Variants in DAB1 observed in about 807,000 individuals in gnomAD.
DAB1 encodes disabled homolog 1.
A neutral mutation model predicts 64.6 loss-of-function variants in DAB1; 15 were observed. The ratio of observed to expected loss-of-function variants is 0.23; its 90% CI spans 0.16 to 0.36. DAB1 has a LOEUF of 0.36. DAB1 is among the 10% of genes least tolerant of loss of function. The probability of loss-of-function intolerance (pLI) is 1.00; values close to 1 mark genes in which losing one functional copy is unlikely to be tolerated. For missense variants in DAB1, 596 were observed against 706.7 expected (o/e 0.84, Z 1.78); for synonymous variants, 235 against 251.9 (o/e 0.93, Z 0.64).
At chr1:58,348,379 A>C (rs1407653127) in intron 3 of DAB1, among the ~76,000 whole-genome samples, 3 of 152,172 alleles carry the variant, frequency 2.0e-5, no homozygotes, top group Non-Finnish European at 4.4e-5. Context: ...GTAAAACAAC[A>C]TGAGGCTAGA....
At chr1:57,471,313 G>A (rs1687125980) in intron 7 of DAB1, among the ~76,000 whole-genome samples, 1 of 152,168 alleles carries the variant, frequency 6.6e-6, no homozygotes, top group Non-Finnish European at 1.5e-5. Context: ...AACAATGAGA[G>A]GAAGGCACTC....
At chr1:57,779,413 A>G (rs1238663865) in intron 6 of DAB1, among the ~76,000 whole-genome samples, 1 of 152,142 alleles carries the variant, frequency 6.6e-6, no homozygotes, top group Non-Finnish European at 1.5e-5. Context: ...AATTCTCAAG[A>G]GCTGCAGAGG....
At chr1:57,366,643 T>C (rs1268445400) in intron 1 of DAB1, among the ~76,000 whole-genome samples, 1 of 152,356 alleles carries the variant, frequency 6.6e-6, no homozygotes, top group Admixed American at 6.5e-5. Context: ...ATATACCAGA[T>C]ACTATTCTAA....
At chr1:58,520,720 T>C (rs923926107) in intron 2 of DAB1, among the ~76,000 whole-genome samples, 1 of 152,116 alleles carries the variant, frequency 6.6e-6, no homozygotes, top group African/African-American at 2.4e-5. Context: ...CTAGAGACAG[T>C]GATTTTATTG....
chr1:57,441,302 CTTT>C (rs1317013273), intron 7 of DAB1, among the ~76,000 whole-genome samples: 18,733 of 124,232 alleles, frequency 0.15, 1,803 homozygotes, highest in East Asian at 0.39. Flanking sequence ...TTCTTTCTTT[CTTT>C]CTTTCTTTCT....
intron 4 of DAB1, among the ~76,000 whole-genome samples, chr1:58,204,138 T>C (rs1241263864): frequency 1.3e-5 from 2 of 152,250 alleles, no homozygotes; most frequent in Middle Eastern, 3.4e-3. Context: ...CACACCTATA[T>C]GAACACACAA....
chr1:57,950,671 T>C (rs893124751), intron 5 of DAB1, among the ~76,000 whole-genome samples: 23 of 152,194 alleles, frequency 1.5e-4, no homozygotes, highest in African/African-American at 5.1e-4. Flanking sequence ...GCATATTCTA[T>C]TCCCTCTGCC....
intron 7 of DAB1, among the ~76,000 whole-genome samples, chr1:57,584,161 A>G (rs967824562): frequency 2.0e-5 from 3 of 152,198 alleles, no homozygotes; most frequent in African/African-American, 7.2e-5. Flanking sequence ...TGCTCAAATA[A>G]GGAAACGCTG....
At chr1:57,435,125 T>G (rs1685650591) in intron 7 of DAB1, among the ~76,000 whole-genome samples, 1 of 147,940 alleles carries the variant, frequency 6.8e-6, no homozygotes, top group East Asian at 2.0e-4. Context: ...CTCGGCTCAC[T>G]GCAGCCTCTG....
At chr1:57,548,100 TTCTC>T (rs1644875568) in intron 7 of DAB1, among the ~76,000 whole-genome samples, 3 of 152,098 alleles carry the variant, frequency 2.0e-5, no homozygotes, top group Non-Finnish European at 4.4e-5. Context: ...ATAAATATCT[TTCTC>T]TGTCTGTCTG....
At chr1:57,343,209 G>A (rs1262564498) in intron 1 of DAB1, among the ~76,000 whole-genome samples, 1 of 152,162 alleles carries the variant, frequency 6.6e-6, no homozygotes, top group Non-Finnish European at 1.5e-5. Context: ...CACCAGAGTA[G>A]CTAGATACAG....
intron 4 of DAB1, among the ~76,000 whole-genome samples, chr1:57,075,429 T>G (rs1454901369): frequency 6.6e-6 from 1 of 152,208 alleles, no homozygotes; most frequent in East Asian, 1.9e-4. Context: ...TATGACATGT[T>G]AAAAAGGATT....
At chr1:57,549,774 T>C (rs779730322) in intron 7 of DAB1, among the ~76,000 whole-genome samples, 3 of 152,186 alleles carry the variant, frequency 2.0e-5, no homozygotes, top group Non-Finnish European at 4.4e-5. Flanking sequence ...CAATTATCTT[T>C]GGATAATTCT....
Position 57,695,436 on chromosome 1 carries a change from A to AAAGAAAG in DAB1, n.552-45772_552-45771insCTTTCTT, listed in dbSNP as rs1646832925. 2.7e-5 allele frequency among the ~76,000 whole-genome samples: 4 copies of AAAGAAAG among 150,510 alleles called. 1 individual carries two copies. Among genetic ancestry groups the AAAGAAAG allele is most frequent in the African/African-American group, 9.8e-5 (4 of 41,000 alleles). ...AGAAAGAAAGAAAGAAAGAAAGAAAAAAGAAGAAAAGAGCCAATTAAGTCT... is the reference window on the plus strand; with the variant it reads ...AGAAAGAAAGAAAGAAAGAAAGAAAAAAGAAAGAAGAAGAAAAGAGCCAATTAAGTCT... On this transcript the variant is annotated intron_variant and non_coding_transcript_variant, in intron 6 of 20. Coordinates refer to the DAB1 transcript ENST00000485760.
chr1:57,273,563 C>CTTCT lies in DAB1; in HGVS notation c.67+17400_67+17401insAGAA, dbSNP rs1392003231. On this transcript the variant is annotated intron_variant, in intron 2 of 14. Transcript: ENST00000371236. ...CCTGCCTGCCTGCCTGCCTTCCTTCCTTCCTTCCTTCCTTCCTTCCTTCCT... is the reference window on the plus strand; with the variant it reads ...CCTGCCTGCCTGCCTGCCTTCCTTCCTTCTTTCCTTCCTTCCTTCCTTCCTTCCT... 8.0e-5 allele frequency among the ~76,000 whole-genome samples: 4 copies of CTTCT among 50,110 alleles called. No individual in the cohort carries two copies. The East Asian group carries it at 4.8e-3, about 60-fold the overall frequency. 32.9% of individuals were successfully genotyped at this position (50,110 alleles called of 152,430 possible). A position where few individuals can be genotyped will look rare whatever the true frequency, so the allele number is the denominator to read the frequency against.
intron 5 of DAB1, among the ~76,000 whole-genome samples, chr1:58,009,991 T>A (rs1646644214): frequency 6.6e-6 from 1 of 152,188 alleles, no homozygotes; most frequent in Admixed American, 6.6e-5. Flanking sequence ...TTCTCTATGT[T>A]CCAGGTTGGG....
At chr1:58,445,382 C>T (rs912715384) in intron 3 of DAB1, among the ~76,000 whole-genome samples, 5 of 152,220 alleles carry the variant, frequency 3.3e-5, no homozygotes, top group African/African-American at 9.6e-5. Context: ...TCATGAGACT[C>T]GCCTGAGTAC....
At chr1:58,009,054 C>T (rs1322030835) in intron 5 of DAB1, among the ~76,000 whole-genome samples, 1 of 152,110 alleles carries the variant, frequency 6.6e-6, no homozygotes, top group Non-Finnish European at 1.5e-5. Flanking sequence ...CACACATATT[C>T]CAGGAAATGT....
chr1:57,436,110 T>G (rs1009297271), intron 7 of DAB1, among the ~76,000 whole-genome samples: 5 of 151,830 alleles, frequency 3.3e-5, no homozygotes, highest in African/African-American at 7.3e-5. Context: ...AGAGACGGGG[T>G]TGCACCGTAT....
Sources: allele counts gnomAD v4.1 joint callset (sites outside exome capture counted in the v4.1 genomes callset), GRCh38; gene constraint gnomAD v4.1.1; transcripts MANE v1.5; gene names NCBI Gene and HGNC (gene_info 2026-07-23, HGNC 2026-07-21).